The following GRID2 variants were observed in gnomAD, a reference collection of about 807,000 sequenced individuals.
GRID2 encodes the protein glutamate receptor ionotropic, delta-2.
Under a neutral mutation model 114.8 loss-of-function variants are expected in GRID2, and 33 were observed. That is an observed-to-expected ratio of 0.29 (90% CI 0.22 to 0.38). The LOEUF is 0.38. GRID2 is among the 10% of genes least tolerant of loss of function. GRID2 has a pLI of 1.00. For synonymous variants in GRID2, 505 were observed against 449.9 expected, an observed-to-expected ratio of 1.12 and a Z score of -1.55; for missense variants, 1,184 against 1,257.7, an observed-to-expected ratio of 0.94 and a Z score of 0.89.
chr4:93,269,098 C>T (rs1472347489), intron 8 of GRID2, among the ~76,000 whole-genome samples: 2 of 151,952 alleles, frequency 1.3e-5, no homozygotes, highest in Non-Finnish European at 2.9e-5. Context: ...AGGGTCACAT[C>T]CAGGCATATT....
intron 8 of GRID2, among the ~76,000 whole-genome samples, chr4:93,367,392 C>T (rs1167861345): frequency 1.3e-5 from 2 of 151,856 alleles, no homozygotes; most frequent in Non-Finnish European, 2.9e-5. Context: ...ATCTATTGGA[C>T]TCTTTAGAAA....
At chr4:92,779,210 A>ATGTGTG (rs1363839059) in intron 2 of GRID2, among the ~76,000 whole-genome samples, 1 of 148,490 alleles carries the variant, frequency 6.7e-6, no homozygotes, top group Non-Finnish European at 1.5e-5. Context: ...GTGTGTGTGT[A>ATGTGTG]TGTGTGTGTG....
At chr4:93,508,572 A>G (rs1242243270) in intron 12 of GRID2, among the ~76,000 whole-genome samples, 1 of 152,096 alleles carries the variant, frequency 6.6e-6, no homozygotes, top group Non-Finnish European at 1.5e-5. Flanking sequence ...ATATAGTTAA[A>G]ATGCTATTAT....
At chr4:92,884,947 A>T (rs965383433) in intron 2 of GRID2, 2 of 329,326 alleles carry the variant, frequency 6.1e-6, no homozygotes, top group African/African-American at 4.4e-5. Flanking sequence ...AAAAAAAAAA[A>T]TCGCATCTAA....
chr4:92,357,972 T>G (rs1337641986), intron 1 of GRID2, among the ~76,000 whole-genome samples: 1 of 151,946 alleles, frequency 6.6e-6, no homozygotes, highest in Non-Finnish European at 1.5e-5. Context: ...GAAAATCTGA[T>G]GTGATTAGAA....
chr4:93,644,466 C>T (rs375076569), intron 14 of GRID2, among the ~76,000 whole-genome samples: 4 of 152,200 alleles, frequency 2.6e-5, no homozygotes, highest in African/African-American at 9.6e-5. Flanking sequence ...TAATCTTTAT[C>T]CAAAATAGTG....
intron 9 of GRID2, among the ~76,000 whole-genome samples, chr4:93,400,789 C>G (rs1765806275): frequency 1.3e-5 from 2 of 152,048 alleles, no homozygotes; most frequent in South Asian, 4.2e-4. Flanking sequence ...TACATTCACT[C>G]ATGAATTCAC....
chr4:92,326,523 A>G (rs147156447), intron 1 of GRID2, among the ~76,000 whole-genome samples: 1 of 152,050 alleles, frequency 6.6e-6, no homozygotes, highest in Non-Finnish European at 1.5e-5. Context: ...ATAGAAGTAT[A>G]GAATATATAG....
At chr4:92,969,351 G>A (rs1475963399) in intron 2 of GRID2, among the ~76,000 whole-genome samples, 1 of 151,676 alleles carries the variant, frequency 6.6e-6, no homozygotes, top group Non-Finnish European at 1.5e-5. Flanking sequence ...CTTATTAGAT[G>A]CTGAAAAATG....
At chr4:93,568,914 T>C (rs975183498) in intron 13 of GRID2, among the ~76,000 whole-genome samples, 17 of 152,156 alleles carry the variant, frequency 1.1e-4, no homozygotes, top group African/African-American at 3.6e-4. Context: ...TTACCATTTT[T>C]GTGCTTTCTG....
chr4:93,644,548 A>G (rs1721931759), intron 14 of GRID2, among the ~76,000 whole-genome samples: 1 of 152,090 alleles, frequency 6.6e-6, no homozygotes, highest in African/African-American at 2.4e-5. Context: ...ATGAACCAAG[A>G]TCCCTTTAGT....
intron 1 of GRID2, among the ~76,000 whole-genome samples, chr4:92,442,859 T>G (rs1733190269): frequency 6.6e-6 from 1 of 152,152 alleles, no homozygotes; most frequent in Admixed American, 6.5e-5. Context: ...CAGCCACCTT[T>G]TTAAGAGTAA....
intron 1 of GRID2, among the ~76,000 whole-genome samples, chr4:92,505,485 C>T (rs921027002): frequency 6.6e-6 from 1 of 151,946 alleles, no homozygotes; most frequent in Non-Finnish European, 1.5e-5. Context: ...TAAGCATGCA[C>T]AGCATAGTGA....
intron 1 of GRID2, among the ~76,000 whole-genome samples, chr4:92,436,543 A>T (rs1410723669): frequency 1.3e-5 from 2 of 152,058 alleles, no homozygotes; most frequent in Admixed American, 6.6e-5. Context: ...GAATTTGTTT[A>T]ACTGACATAA....
At chr4:92,725,465 A>G (rs780597462) in intron 2 of GRID2, among the ~76,000 whole-genome samples, 2 of 152,162 alleles carry the variant, frequency 1.3e-5, no homozygotes, top group African/African-American at 4.8e-5. Context: ...ATTAACTACT[A>G]TATCTAGGTA....
intron 1 of GRID2, among the ~76,000 whole-genome samples, chr4:92,399,369 T>A (rs1213812393): frequency 6.6e-6 from 1 of 152,136 alleles, no homozygotes; most frequent in Admixed American, 6.6e-5. Flanking sequence ...CACTCCTAAT[T>A]GGAACCCATC....
chr4:93,788,023 T>A (rs972201813), intron 1 of GRID2, among the ~76,000 whole-genome samples: 1 of 151,992 alleles, frequency 6.6e-6, no homozygotes, highest in Non-Finnish European at 1.5e-5. Flanking sequence ...ACATTGACAA[T>A]GTAACGCCTA....
chr4:93,246,440 A>C (rs1296554637), intron 8 of GRID2, among the ~76,000 whole-genome samples: 1 of 151,956 alleles, frequency 6.6e-6, no homozygotes, highest in Non-Finnish European at 1.5e-5. Flanking sequence ...ACAAAAAATT[A>C]GCTGGGTGTG....
chr4:93,497,067 C>T (rs1480230628), intron 12 of GRID2, among the ~76,000 whole-genome samples: 19 of 150,564 alleles, frequency 1.3e-4, no homozygotes, highest in Admixed American at 1.1e-3. Context: ...TTTTTTTTAG[C>T]CTTGCTGATA....
Sources: allele counts gnomAD v4.1 joint callset (sites outside exome capture counted in the v4.1 genomes callset), GRCh38; gene constraint gnomAD v4.1.1; transcripts MANE v1.5; gene names NCBI Gene and HGNC (gene_info 2026-07-23, HGNC 2026-07-21).